Variants in ITM2B observed in about 807,000 individuals in gnomAD.
ITM2B encodes the protein integral membrane protein 2B, also known as ABri/ADan amyloid peptide.
Under a neutral mutation model 27.8 loss-of-function variants are expected in ITM2B, and 11 were observed. That is an observed-to-expected ratio of 0.40 (90% confidence interval 0.25 to 0.66). ITM2B has a LOEUF of 0.66. Ranked by LOEUF, ITM2B falls within the 30% of genes least tolerant of loss-of-function variation. ITM2B has a pLI of 0.43. For missense variants in ITM2B, 296 were observed against 328.9 expected (o/e 0.90, Z 0.77); for synonymous variants, 114 against 114.3 (o/e 1.00, Z 0.02).
intron 1 of ITM2B, among the ~76,000 whole-genome samples, chr13:48,237,771 T>TA (rs1339602515): frequency 6.6e-6 from 1 of 152,184 alleles, no homozygotes; most frequent in Non-Finnish European, 1.5e-5. Flanking sequence ...TACCATAACT[T>TA]AAATGTCTGG....
At position 48,256,275 on chromosome 13, in the gene ITM2B, T is replaced by C. The variant is rs746769961; in HGVS notation, c.345T>C (p.Ile115=). The C allele has an allele frequency of 1.9e-6, 3 of 1,613,596 alleles. No homozygotes were observed. The South Asian group carries it at 3.3e-5, about 18-fold the overall frequency. ...ADAPAALYQT[I]EENIKIFEEE... ...CCCCAGCTGCTCTCTACCAGACAAT[T>C]GAAGAAAATATTAAAATCTTTGAAG... is the stretch of plus-strand genomic sequence containing the variant. Residue 115 remains isoleucine (I), a synonymous_variant, in exon 3 of 6, where the codon ATT becomes ATC. Transcript: ENST00000647800.
Position 48,233,321 on chromosome 13 carries a change from G to A in ITM2B, c.-40G>A. 1 of 1,369,928 alleles carries A rather than the reference G, an allele frequency of 7.3e-7. No individual in the cohort carries two copies. Among genetic ancestry groups the A allele is most frequent in the Non-Finnish European group, 1.0e-6 (1 of 1,002,170 alleles). The allele number at this position is 1,369,928 out of a possible 1,614,324, so 84.9% of individuals were successfully genotyped here. A position where few individuals can be genotyped will look rare whatever the true frequency, so the allele number is the denominator to read the frequency against. The stretch of plus-strand genomic sequence containing the variant: ...GCCGGGAGCCCGCAGCCCGCGCCCC[G>A]AGCCCGCCGCCGCCCTTCGAGGGCG... On this transcript the variant is annotated 5_prime_UTR_variant, in exon 1 of 6. Transcript: ENST00000647800.
intron 5 of ITM2B, among the ~76,000 whole-genome samples, chr13:48,260,075 A>T (rs1327821303): frequency 6.6e-6 from 1 of 151,778 alleles, no homozygotes; most frequent in Non-Finnish European, 1.5e-5. Context: ...TTCACCTCCC[A>T]CTTATGAGTG....
rs1038975330 is a variant in ITM2B, at chr13:48,270,136, T to G, written c.*8912T>G. ...GCTGCCCAGTGAGCAATATGGTCAT[T>G]GGTCAAGAAGGCTTATGCCCAGGTA... On this transcript the variant is annotated 3_prime_UTR_variant, in exon 6 of 6. Transcript: ENST00000647800. The G allele has an allele frequency of 2.2e-4, 34 of 152,230 alleles. No homozygotes were observed. The highest frequency in any genetic ancestry group is 8.0e-4 in the African/African-American group (33 of 41,462). 9.4% of individuals were successfully genotyped at this position (152,230 alleles called of 1,614,324 possible). A position where few individuals can be genotyped will look rare whatever the true frequency, so the allele number is the denominator to read the frequency against.
In ITM2B at chr13:48,268,825, A is replaced by T. The variant is rs976958084; in HGVS notation, c.*7601A>T. On this transcript the variant is annotated 3_prime_UTR_variant, in exon 6 of 6. Transcript: ENST00000647800. ...CTTTTTGAGGGTAGATTGGTAAAAT[A>T]TACATAATAAATACATGACAATGCA... is the stretch of plus-strand genomic sequence containing the variant. 1 of 152,204 alleles carries T rather than the reference A, an allele frequency of 6.6e-6. No homozygotes were observed. The highest frequency in any genetic ancestry group is 1.5e-5 in the Non-Finnish European group (1 of 68,028). 9.4% of individuals were successfully genotyped at this position (152,204 alleles called of 1,614,324 possible). A position where few individuals can be genotyped will look rare whatever the true frequency, so the allele number is the denominator to read the frequency against.
chr13:48,234,885 A>G (rs753850246), intron 1 of ITM2B, among the ~76,000 whole-genome samples: 4 of 152,260 alleles, frequency 2.6e-5, no homozygotes, highest in Non-Finnish European at 5.9e-5. Context: ...GAATGCACAG[A>G]TGAAAATTGC....
intron 1 of ITM2B, among the ~76,000 whole-genome samples, chr13:48,243,578 C>T (rs924143571): frequency 2.0e-5 from 3 of 152,050 alleles, no homozygotes; most frequent in African/African-American, 4.8e-5. Context: ...TCTATAATTC[C>T]AGCACTTTGG....
In ITM2B at chr13:48,269,274, A is replaced by T. The variant is rs1311024877; in HGVS notation, c.*8050A>T. ...ATTATCCAGAATTCAGCCGCTTCTC[A>T]CTGTCTCTACTGCTAACATAGTAGT... On this transcript the variant is annotated 3_prime_UTR_variant, in exon 6 of 6. Transcript: ENST00000647800. The T allele has an allele frequency of 6.6e-6, 1 of 152,078 alleles. No homozygotes were observed. The highest frequency in any genetic ancestry group is 1.5e-5 in the Non-Finnish European group (1 of 68,028). The allele number at this position is 152,078 out of a possible 1,614,324, so 9.4% of individuals were successfully genotyped here.
chr13:48,248,492 T>G (rs929515119), intron 1 of ITM2B, among the ~76,000 whole-genome samples: 3 of 152,132 alleles, frequency 2.0e-5, no homozygotes, highest in African/African-American at 7.2e-5. Flanking sequence ...ATTTCGAATT[T>G]TTTTTTTGTT....
intron 2 of ITM2B, among the ~76,000 whole-genome samples, chr13:48,254,717 G>A (rs1319055913): frequency 2.0e-5 from 3 of 151,918 alleles, no homozygotes; most frequent in Admixed American, 1.3e-4. Context: ...TCAATTTCAT[G>A]CTCATTTTCT....
At chr13:48,243,265 A>AT (rs1280342814) in intron 1 of ITM2B, among the ~76,000 whole-genome samples, 1 of 152,162 alleles carries the variant, frequency 6.6e-6, no homozygotes, top group Non-Finnish European at 1.5e-5. Flanking sequence ...AAAAAGTTTC[A>AT]TTTTTGTAAT....
intron 1 of ITM2B, among the ~76,000 whole-genome samples, chr13:48,238,553 C>G (rs1471122453): frequency 6.6e-6 from 1 of 152,008 alleles, no homozygotes; most frequent in Non-Finnish European, 1.5e-5. Context: ...TGATAAGTTA[C>G]CAGCAATAAT....
chr13:48,254,290 A>T (rs1467592960), intron 2 of ITM2B, among the ~76,000 whole-genome samples: 1 of 152,220 alleles, frequency 6.6e-6, no homozygotes, highest in Non-Finnish European at 1.5e-5. Flanking sequence ...AAATGTTTTC[A>T]TGTTGATAGG....
chr13:48,248,489 A>AT (rs919513743), intron 1 of ITM2B, among the ~76,000 whole-genome samples: 28 of 148,806 alleles, frequency 1.9e-4, no homozygotes, highest in Admixed American at 2.7e-4. Context: ...TTTATTTCGA[A>AT]TTTTTTTTTT....
At chr13:48,247,181 G>T (rs1442801023) in intron 1 of ITM2B, among the ~76,000 whole-genome samples, 1 of 152,106 alleles carries the variant, frequency 6.6e-6, no homozygotes, top group Admixed American at 6.5e-5. Flanking sequence ...TGTCCCAGCT[G>T]TTTTGCTGTT....
chr13:48,253,654 A>T (rs894263761), intron 1 of ITM2B, among the ~76,000 whole-genome samples, 154 bp from the exon 2 acceptor site: 8 of 152,180 alleles, frequency 5.3e-5, no homozygotes, highest in Non-Finnish European at 1.0e-4. Context: ...GCTACCACTT[A>T]ATCATTCCTG....
At chr13:48,248,269 T>C (rs1046451388) in intron 1 of ITM2B, among the ~76,000 whole-genome samples, 28 of 152,064 alleles carry the variant, frequency 1.8e-4, no homozygotes, top group African/African-American at 6.5e-4. Context: ...TAGGCTTATC[T>C]AAAAATCAGC....
rs553453688 is a variant in ITM2B, at chr13:48,250,491, G to A, written c.118-3317G>A. Among the ~76,000 whole-genome samples, 71 of 152,060 alleles carry A rather than the reference G, an allele frequency of 4.7e-4. No individual in the cohort carries two copies. In the East Asian group the frequency reaches 0.01, roughly 22 times the overall value. ...AAATTAGCCGGGTGTGGTGGCGGGC[G>A]CCTGTAGTCTCAGCTACTCGGGAGA... On this transcript the variant is annotated intron_variant, in intron 1 of 5. Transcript: ENST00000647800.
rs111774271 is a variant in ITM2B, at chr13:48,261,502, C to A, written c.*278C>A. 7.7e-6 allele frequency: 2 copies of A among 258,804 alleles called. No individual in the cohort carries two copies. Among genetic ancestry groups the A allele is most frequent in the Non-Finnish European group, 7.4e-6 (1 of 135,724 alleles). The allele number at this position is 258,804 out of a possible 1,614,324, so 16.0% of individuals were successfully genotyped here. ...AGGAAGAATTACAATTTCTTTAAAT[C>A]ATTTATCTGGATTTTTATGTTTTAT... On this transcript the variant is annotated 3_prime_UTR_variant, in exon 6 of 6. Transcript: ENST00000647800.
Sources: gnomAD v4.1 joint callset for allele counts (sites outside exome capture counted in the v4.1 genomes callset) on GRCh38, gnomAD v4.1.1 for gene constraint, MANE v1.5 for transcripts, NCBI Gene and HGNC (gene_info 2026-07-23, HGNC 2026-07-21) for gene names.